NCEH1: variants seen among roughly 807,000 people sequenced by gnomAD.
NCEH1 encodes neutral cholesterol ester hydrolase 1.
A neutral mutation model predicts 25.4 loss-of-function variants in NCEH1; 9 were observed. The observed-to-expected ratio is 0.35, with a 90% confidence interval of 0.21 to 0.62. The LOEUF is 0.62. Among genes scored for constraint, NCEH1 ranks in the 20% least tolerant of loss-of-function variants. NCEH1 has a pLI of 0.72. For missense variants in NCEH1, 412 were observed against 501.1 expected (o/e 0.82, Z 1.70); for synonymous variants, 200 against 199.8 (o/e 1.00, Z -0.01).
rs1553830302 is a variant in NCEH1, at chr3:172,653,735, G to GTTTTTT, written c.139-5627_139-5622dup. ...TTGTTTTTGTTGTTGTTGTTGTTCT[G>GTTTTTT]TTTTTTTTGTTTTTTTGTTTTTTTG... On this transcript the variant is annotated intron_variant, in intron 1 of 4. Coordinates refer to ENST00000475381, the MANE Select transcript of NCEH1 (RefSeq NM_020792.6). Among the ~76,000 whole-genome samples the GTTTTTT allele has an allele frequency of 5.2e-4, 37 of 71,010 alleles. 2 individuals are homozygous for GTTTTTT. Among genetic ancestry groups the GTTTTTT allele is most frequent in the African/African-American group, 1.5e-3 (29 of 19,706 alleles). 46.6% of individuals were successfully genotyped at this position (71,010 alleles called of 152,430 possible).
intron 1 of NCEH1, among the ~76,000 whole-genome samples, chr3:172,690,700 A>C (rs1712986603): frequency 6.6e-6 from 1 of 152,214 alleles, no homozygotes; most frequent in Non-Finnish European, 1.5e-5. Context: ...AAAATGACAC[A>C]AGCTCTAATG....
chr3:172,707,507 G>T (rs1714069464), intron 1 of NCEH1, among the ~76,000 whole-genome samples: 2 of 152,210 alleles, frequency 1.3e-5, no homozygotes, highest in East Asian at 3.8e-4. Context: ...CAACAGCAAT[G>T]CCTTTTATCT....
chr3:172,674,409 C>T (rs1004748917), intron 1 of NCEH1, among the ~76,000 whole-genome samples: 2 of 146,934 alleles, frequency 1.4e-5, no homozygotes, highest in Non-Finnish European at 3.0e-5. Context: ...CGCCACTGCA[C>T]TCCAGCCTCG....
At chr3:172,683,279 T>C (rs1244043161) in intron 1 of NCEH1, among the ~76,000 whole-genome samples, 1 of 116,432 alleles carries the variant, frequency 8.6e-6, no homozygotes, top group East Asian at 2.2e-4. Context: ...GGCGGGCGCC[T>C]GTAGTCCCAG....
chr3:172,653,402 A>C (rs1210879766), intron 1 of NCEH1, among the ~76,000 whole-genome samples: 1 of 152,232 alleles, frequency 6.6e-6, no homozygotes, highest in Non-Finnish European at 1.5e-5. Context: ...GTCAACATAG[A>C]AATTATGAAG....
At chr3:172,671,880 A>G (rs1392153569) in intron 1 of NCEH1, among the ~76,000 whole-genome samples, 1 of 152,220 alleles carries the variant, frequency 6.6e-6, no homozygotes, top group Non-Finnish European at 1.5e-5. Flanking sequence ...CTTATAACCT[A>G]GTGGCATTGT....
At chr3:172,687,814 C>T (rs1475682849) in intron 1 of NCEH1, among the ~76,000 whole-genome samples, 2 of 152,090 alleles carry the variant, frequency 1.3e-5, no homozygotes, top group Non-Finnish European at 2.9e-5. Flanking sequence ...GCAATGTGGG[C>T]CAAAAATAAC....
At chr3:172,635,847 G>T in intron 4 of NCEH1, 69 bp downstream of exon 4, 2 of 1,420,608 alleles carry the variant, frequency 1.4e-6, no homozygotes, top group Non-Finnish European at 1.9e-6. Flanking sequence ...CATAATGGAG[G>T]GTGTGTTGGT....
chr3:172,705,744 C>T (rs781513202), intron 1 of NCEH1, among the ~76,000 whole-genome samples: 1 of 152,138 alleles, frequency 6.6e-6, no homozygotes, highest in Non-Finnish European at 1.5e-5. Flanking sequence ...CGCCTGTAAT[C>T]CCAACATTTT....
In NCEH1 at chr3:172,630,967, CAA is replaced by C. The variant is rs1234486855; in HGVS notation, c.*2506_*2507del. 4.0e-5 allele frequency: 6 copies of C among 149,624 alleles called. No homozygotes were observed. The South Asian group carries it at 6.4e-4, about 16-fold the overall frequency. 9.3% of individuals were successfully genotyped at this position (149,624 alleles called of 1,614,324 possible). On this transcript the variant is annotated 3_prime_UTR_variant, in exon 5 of 5. Transcript: ENST00000475381. ...TGTTTATATTTCACAGACAATTTTA[CAA>C]AAAGATTATCATTTTTTTCATAAAA...
At chr3:172,709,885 G>C (rs932228915) in intron 1 of NCEH1, among the ~76,000 whole-genome samples, 2 of 152,134 alleles carry the variant, frequency 1.3e-5, no homozygotes, top group African/African-American at 4.8e-5. Flanking sequence ...CTTGGTTTTG[G>C]AGAAGGTTAG....
At chr3:172,682,242 T>G in intron 1 of NCEH1, among the ~76,000 whole-genome samples, 1 of 152,228 alleles carries the variant, frequency 6.6e-6, no homozygotes, top group East Asian at 1.9e-4. Context: ...CCATCTTGGA[T>G]GCTCATCTGT....
chr3:172,631,368 G>A lies in NCEH1; in HGVS notation c.*2107C>T, dbSNP rs1716340966. 1 of 151,898 alleles carries A rather than the reference G, an allele frequency of 6.6e-6. No homozygotes were observed. Among genetic ancestry groups the A allele is most frequent in the East Asian group, 1.9e-4 (1 of 5,190 alleles). 9.4% of individuals were successfully genotyped at this position (151,898 alleles called of 1,614,324 possible). On this transcript the variant is annotated 3_prime_UTR_variant, in exon 5 of 5. Coordinates refer to ENST00000475381, the MANE Select transcript of NCEH1 (RefSeq NM_020792.6). ...GAGGAGGATAGTTATCACAGAATAA[G>A]AACTAAAATCCCATTTTTTTTTTTT...
chr3:172,679,799 A>G (rs976928408), intron 1 of NCEH1, among the ~76,000 whole-genome samples: 2 of 151,828 alleles, frequency 1.3e-5, no homozygotes, highest in Non-Finnish European at 2.9e-5. Context: ...CCTTGTCACC[A>G]CTTGTGCCAA....
chr3:172,650,812 G>GGA (rs1717364923), intron 1 of NCEH1, among the ~76,000 whole-genome samples: 1 of 35,884 alleles, frequency 2.8e-5, no homozygotes, highest in African/African-American at 9.7e-5. Context: ...ACTCTGCCTC[G>GGA]AAAAAAAAAA....
chr3:172,677,099 AG>A (rs1334589256), intron 1 of NCEH1, among the ~76,000 whole-genome samples: 1 of 152,206 alleles, frequency 6.6e-6, no homozygotes, highest in East Asian at 1.9e-4. Context: ...AAAGCAGCAC[AG>A]AAGAATTAAA....
In NCEH1 at chr3:172,706,499, C is replaced by CTTT. The variant is rs768288361; in HGVS notation, c.138+4345_138+4347dup. On this transcript the variant is annotated intron_variant, in intron 1 of 4. Transcript: ENST00000475381. ...AATCTTTTACTGTTCTTACATTTTT[C>CTTT]TTTTTTTTTTTTTTTTTTTGAGACG... Among the ~76,000 whole-genome samples, 426 of 126,402 alleles carry CTTT rather than the reference C, an allele frequency of 3.4e-3. 10 individuals are homozygous for CTTT. The highest frequency in any genetic ancestry group is 0.012 in the African/African-American group (374 of 31,954). 82.9% of individuals were successfully genotyped at this position (126,402 alleles called of 152,430 possible). A position where few individuals can be genotyped will look rare whatever the true frequency, so the allele number is the denominator to read the frequency against.
At chr3:172,661,646 A>G (rs546605136) in intron 1 of NCEH1, among the ~76,000 whole-genome samples, 1 of 151,904 alleles carries the variant, frequency 6.6e-6, no homozygotes, top group East Asian at 1.9e-4. Flanking sequence ...CTTTTATTTC[A>G]TTGAGCAGTG....
Position 172,666,351 on chromosome 3 carries a change from G to A in NCEH1, c.139-18237C>T, listed in dbSNP as rs147392197. ...GGTGGGTGGACCAGGTGTTTTGCAG[G>A]CTACATAAATGACACACCTGGTCAA... On this transcript the variant is annotated intron_variant, in intron 1 of 4. Coordinates refer to ENST00000475381, the MANE Select transcript of NCEH1 (RefSeq NM_020792.6). 4.6e-5 allele frequency among the ~76,000 whole-genome samples: 7 copies of A among 152,186 alleles called. 1 individual carries two copies. The highest frequency in any genetic ancestry group is 1.7e-4 in the African/African-American group (7 of 41,516).
Sources: gnomAD v4.1 joint callset for allele counts (sites outside exome capture counted in the v4.1 genomes callset) on GRCh38, gnomAD v4.1.1 for gene constraint, MANE v1.5 for transcripts, NCBI Gene and HGNC (gene_info 2026-07-23, HGNC 2026-07-21) for gene names.